RASGEF1B: variants seen among roughly 807,000 people sequenced by gnomAD.
The protein encoded by RASGEF1B is RasGEF domain family member 1B, also known as ras-GEF domain-containing family member 1B.
In RASGEF1B, 30 loss-of-function variants were observed where a neutral mutation model predicts 65.7. The ratio of observed to expected loss-of-function variants is 0.46; its 90% confidence interval spans 0.34 to 0.62. The LOEUF is 0.62. Ranked by LOEUF, RASGEF1B falls within the 20% of genes least tolerant of loss-of-function variation. The probability of loss-of-function intolerance (pLI) is 0.01; values close to 1 mark genes in which losing one functional copy is unlikely to be tolerated. For synonymous variants in RASGEF1B, 175 were observed against 194.8 expected (o/e 0.90, Z 0.85); for missense variants, 495 against 580.1 (o/e 0.85, Z 1.51).
Position 81,458,611 on chromosome 4 carries a change from T to C in RASGEF1B, c.177+721A>G, listed in dbSNP as rs181661698. On this transcript the variant is annotated intron_variant, in intron 2 of 13. Transcript: ENST00000264400. ...ACCAGCTGCTCGGCAAATCTCCTAC[T>C]ACTAAGCTCAATTCCATAGAGGTAG... Among the ~76,000 whole-genome samples, 200 of 152,288 alleles carry C rather than the reference T, an allele frequency of 1.3e-3. 2 individuals are homozygous for C. Among genetic ancestry groups the C allele is most frequent in the Non-Finnish European group, 9.9e-4 (67 of 68,012 alleles).
chr4:81,455,388 T>C (rs1722408715), intron 4 of RASGEF1B: 1 of 152,190 alleles, frequency 6.6e-6, no homozygotes, highest in East Asian at 1.9e-4. Flanking sequence ...CAGTGAGCCA[T>C]GATCGCAACT....
rs1305338893 is a variant in RASGEF1B at position 81,434,296 on chromosome 4, C to T, written c.1201-333G>A. Reference sequence around the variant, plus strand: ...AAACTCCTAGCCTCAAGCAATCCTCCCATCTTGGCCTCCTAACGCACTGGT... The same window carrying T: ...AAACTCCTAGCCTCAAGCAATCCTCTCATCTTGGCCTCCTAACGCACTGGT... On this transcript the variant is annotated intron_variant, in intron 11 of 13. Coordinates refer to ENST00000264400, the MANE Select transcript of RASGEF1B (RefSeq NM_152545.3). 2.0e-5 allele frequency among the ~76,000 whole-genome samples: 3 copies of T among 152,156 alleles called. No individual in the cohort carries two copies. The East Asian group carries it at 5.8e-4, about 29-fold the overall frequency.
chr4:81,462,606 T>C (rs997744594), intron 1 of RASGEF1B, among the ~76,000 whole-genome samples: 3 of 152,250 alleles, frequency 2.0e-5, no homozygotes, highest in African/African-American at 7.2e-5. Flanking sequence ...CATTATTTAT[T>C]ATGCACAATA....
At chr4:81,433,644 T>C (rs1285122759) in intron 12 of RASGEF1B, among the ~76,000 whole-genome samples, 196 bp downstream of exon 12, 1 of 152,186 alleles carries the variant, frequency 6.6e-6, no homozygotes, top group Non-Finnish European at 1.5e-5. Flanking sequence ...CACAGAAACC[T>C]ACTGTTTATA....
In RASGEF1B at chr4:81,428,407, C is replaced by T. The variant is rs140704149; in HGVS notation, c.1398-615G>A. On this transcript the variant is annotated intron_variant, in intron 13 of 13. Transcript: ENST00000264400. ...GTTTTGCACCTGTGGATTCAATCAACTGCAGATCAAAAATATTTGAAACAA... is the reference window on the plus strand; with the variant it reads ...GTTTTGCACCTGTGGATTCAATCAATTGCAGATCAAAAATATTTGAAACAA... Among the ~76,000 whole-genome samples, 204 of 152,278 alleles carry T rather than the reference C, an allele frequency of 1.3e-3. 3 individuals are homozygous for T. The East Asian group carries it at 0.032, about 24-fold the overall frequency.
chr4:81,429,463 A>G (rs1223909553), intron 13 of RASGEF1B, among the ~76,000 whole-genome samples: 1 of 152,204 alleles, frequency 6.6e-6, no homozygotes, highest in Non-Finnish European at 1.5e-5. Flanking sequence ...GGGGAAGGGA[A>G]GTGCTGGGTA....
intron 3 of RASGEF1B, 128 bp downstream of exon 3, chr4:81,457,371 G>A: frequency 1.2e-6 from 1 of 818,500 alleles, no homozygotes; most frequent in South Asian, 1.7e-5. Flanking sequence ...AATTCCCCTT[G>A]TATAGCCATG....
At chr4:81,466,772 A>AAAAAGAAAGAAAGAG (rs1722835099) in intron 1 of RASGEF1B, among the ~76,000 whole-genome samples, 4 of 113,440 alleles carry the variant, frequency 3.5e-5, no homozygotes, top group African/African-American at 1.4e-4. Flanking sequence ...AAAAAAAAAA[A>AAAAAGAAAGAAAGAG]AGAAAGAAAG....
At chr4:81,461,958 A>G (rs112931427) in intron 1 of RASGEF1B, among the ~76,000 whole-genome samples, 5 of 152,348 alleles carry the variant, frequency 3.3e-5, no homozygotes, top group African/African-American at 1.2e-4. Context: ...CAAAACGGTC[A>G]TGGGTCACTC....
At chr4:81,463,489 T>C (rs1722713073) in intron 1 of RASGEF1B, among the ~76,000 whole-genome samples, 3 of 152,202 alleles carry the variant, frequency 2.0e-5, no homozygotes, top group Admixed American at 1.3e-4. Flanking sequence ...GTGTACTTTA[T>C]AGATTTCCGG....
At chr4:81,457,972 A>T (rs1722506012) in intron 2 of RASGEF1B, among the ~76,000 whole-genome samples, 1 of 152,228 alleles carries the variant, frequency 6.6e-6, no homozygotes, top group Admixed American at 6.5e-5. Context: ...ATCTTACTTG[A>T]ATATACTACC....
chr4:81,457,853 T>A (rs1011201940), intron 2 of RASGEF1B, among the ~76,000 whole-genome samples: 2 of 152,154 alleles, frequency 1.3e-5, no homozygotes, highest in African/African-American at 4.8e-5. Flanking sequence ...TAAGTTTGGC[T>A]CCTGGAATTA....
chr4:81,434,051 C>A (rs1211203036), intron 11 of RASGEF1B, 88 bp from the exon 12 acceptor site: 1 of 1,156,502 alleles, frequency 8.6e-7, no homozygotes, highest in African/African-American at 1.5e-5. Context: ...GAAATGATTC[C>A]TTCTTATTTT....
At chr4:81,468,423 A>G (rs768571451) in intron 1 of RASGEF1B, among the ~76,000 whole-genome samples, 35 of 152,200 alleles carry the variant, frequency 2.3e-4, no homozygotes, top group Non-Finnish European at 3.8e-4. Context: ...CTAATTTTCT[A>G]AGCAGGGTTT....
intron 6 of RASGEF1B, among the ~76,000 whole-genome samples, chr4:81,446,300 C>T (rs1223473703): frequency 2.0e-5 from 3 of 152,142 alleles, no homozygotes; most frequent in African/African-American, 4.8e-5. Flanking sequence ...CGCTTGAACC[C>T]GGGAGGAGGT....
chr4:81,437,824 CCCTTCAGATCTGTA>C (rs1183392303), intron 10 of RASGEF1B, among the ~76,000 whole-genome samples: 1 of 152,114 alleles, frequency 6.6e-6, no homozygotes, highest in East Asian at 1.9e-4. Flanking sequence ...ATGGATAATT[CCCTTCAGATCTGTA>C]GCCCCTACAC....
At chr4:81,467,955 C>G in intron 1 of RASGEF1B, among the ~76,000 whole-genome samples, 1 of 152,188 alleles carries the variant, frequency 6.6e-6, no homozygotes. Flanking sequence ...ACAGCAGCCA[C>G]TAGCCACAAG....
At chr4:81,458,695 C>T (rs1722535149) in intron 2 of RASGEF1B, among the ~76,000 whole-genome samples, 1 of 152,182 alleles carries the variant, frequency 6.6e-6, no homozygotes, top group African/African-American at 2.4e-5. Flanking sequence ...CTGTGTTTGA[C>T]TGCTGATGCT....
At chr4:81,458,159 A>G (rs1326883164) in intron 2 of RASGEF1B, among the ~76,000 whole-genome samples, 1 of 152,240 alleles carries the variant, frequency 6.6e-6, no homozygotes, top group Non-Finnish European at 1.5e-5. Flanking sequence ...CTTTCAAGTA[A>G]CCTATTTATT....
Sources: allele counts gnomAD v4.1 joint callset (sites outside exome capture counted in the v4.1 genomes callset), GRCh38; gene constraint gnomAD v4.1.1; transcripts MANE v1.5; gene names NCBI Gene and HGNC (gene_info 2026-07-23, HGNC 2026-07-21).